The following TPO variants were observed in gnomAD, a reference collection of about 807,000 sequenced individuals.
TPO encodes the protein thyroid microsomal antigen.
A neutral mutation model predicts 96.9 loss-of-function variants in TPO; 78 were observed. That is an observed-to-expected ratio of 0.81 (90% CI 0.67 to 0.97). TPO has a LOEUF of 0.97. Ranked by LOEUF, TPO falls within the 50% of genes least tolerant of loss-of-function variation. The pLI is 0.00. For missense variants in TPO, 1,252 were observed against 1,274.8 expected (o/e 0.98, Z 0.27); for synonymous variants, 547 against 538.0 (o/e 1.02, Z -0.23).
At chr2:1,432,449 C>G (rs187273565) in intron 3 of TPO, among the ~76,000 whole-genome samples, 1 of 152,094 alleles carries the variant, frequency 6.6e-6, no homozygotes, top group African/African-American at 2.4e-5. Flanking sequence ...AGGCCAGGTG[C>G]TTGTGTGGGA....
At chr2:1,540,428 AT>A (rs1203178239) in intron 15 of TPO, among the ~76,000 whole-genome samples, 165 bp from the exon 16 acceptor site, 1 of 151,124 alleles carries the variant, frequency 6.6e-6, no homozygotes, top group Admixed American at 6.6e-5. Flanking sequence ...TTTCCAAAAT[AT>A]ATCAGATTAT....
chr2:1,449,994 C>T (rs1667172658), intron 5 of TPO, among the ~76,000 whole-genome samples: 1 of 152,136 alleles, frequency 6.6e-6, no homozygotes. Flanking sequence ...GGCCACCTGA[C>T]AGGGTGTCAG....
chr2:1,434,859 G>A (rs1054055096), intron 4 of TPO, among the ~76,000 whole-genome samples: 2 of 152,172 alleles, frequency 1.3e-5, no homozygotes, highest in African/African-American at 2.4e-5. Flanking sequence ...TTCCATTAAA[G>A]GTCAGTGCCT....
At chr2:1,526,162 C>A (rs1463185972) in intron 15 of TPO, among the ~76,000 whole-genome samples, 1 of 111,666 alleles carries the variant, frequency 9.0e-6, no homozygotes, top group Admixed American at 1.0e-4. Flanking sequence ...ACCTCCAAAT[C>A]CCCCCACTGT....
intron 3 of TPO, among the ~76,000 whole-genome samples, chr2:1,431,844 C>T (rs1234646686): frequency 6.6e-6 from 1 of 152,252 alleles, no homozygotes; most frequent in Non-Finnish European, 1.5e-5. Context: ...GGTCACTTTT[C>T]CCAAAGCCAC....
intron 15 of TPO, among the ~76,000 whole-genome samples, chr2:1,520,024 G>C (rs1447535652): frequency 6.6e-6 from 1 of 152,178 alleles, no homozygotes; most frequent in Non-Finnish European, 1.5e-5. Flanking sequence ...TTAGCTGAAA[G>C]ATATGAAAAA....
intron 1 of TPO, among the ~76,000 whole-genome samples, chr2:1,383,754 T>C (rs1170768513): frequency 6.6e-6 from 1 of 152,238 alleles, no homozygotes; most frequent in Non-Finnish European, 1.5e-5. Context: ...ATTTTGGCTT[T>C]TGTTGCCATT....
chr2:1,535,438 TC>T (rs1207946194), intron 15 of TPO, among the ~76,000 whole-genome samples: 586 of 27,240 alleles, frequency 0.022, 32 homozygotes, highest in African/African-American at 0.045. Flanking sequence ...CCTCCCCAAA[TC>T]CCCCCCACTC....
intron 11 of TPO, among the ~76,000 whole-genome samples, chr2:1,494,500 C>T (rs1672134426): frequency 6.6e-6 from 1 of 152,194 alleles, no homozygotes; most frequent in South Asian, 2.1e-4. Context: ...CTACAGATAG[C>T]AGATGGTTGC....
chr2:1,460,306 A>G (rs546096683), intron 7 of TPO, among the ~76,000 whole-genome samples: 23 of 152,260 alleles, frequency 1.5e-4, no homozygotes, highest in African/African-American at 4.3e-4. Context: ...TAGATCTTGC[A>G]GAAGTACCTG....
chr2:1,438,690 G>A (rs1464350748), intron 5 of TPO: 2 of 618,040 alleles, frequency 3.2e-6, no homozygotes, highest in African/African-American at 1.9e-5. Flanking sequence ...GAATTACAGT[G>A]CTTGGGGAAT....
intron 15 of TPO, among the ~76,000 whole-genome samples, chr2:1,531,135 AC>A (rs1678084983): frequency 1.2e-4 from 1 of 8,116 alleles, no homozygotes; most frequent in Non-Finnish European, 2.3e-4. Flanking sequence ...CCTCCCCAAA[AC>A]CCCCCACTGT....
intron 15 of TPO, among the ~76,000 whole-genome samples, chr2:1,537,732 A>AT (rs1680151180): frequency 1.7e-5 from 1 of 59,824 alleles, no homozygotes; most frequent in Admixed American, 2.3e-4. Context: ...CAAATCCCCC[A>AT]ACTGTCTGCA....
At chr2:1,463,803 C>T (rs1668656073) in intron 7 of TPO, among the ~76,000 whole-genome samples, 1 of 152,224 alleles carries the variant, frequency 6.6e-6, no homozygotes, top group Non-Finnish European at 1.5e-5. Context: ...TATCGACAAC[C>T]TCAAAGCTAT....
At chr2:1,424,713 A>G (rs1381826134) in intron 3 of TPO, among the ~76,000 whole-genome samples, 1 of 152,212 alleles carries the variant, frequency 6.6e-6, no homozygotes, top group East Asian at 1.9e-4. Context: ...CTTAAGAAAT[A>G]CTGTTTCTAC....
intron 5 of TPO, among the ~76,000 whole-genome samples, chr2:1,439,986 C>G (rs1370241782): frequency 2.0e-5 from 3 of 152,216 alleles, no homozygotes; most frequent in Admixed American, 6.5e-5. Flanking sequence ...AGTTCCCCCC[C>G]AGCGGTCTCC....
chr2:1,451,827 T>A (rs28909399), intron 5 of TPO, among the ~76,000 whole-genome samples: 1 of 152,234 alleles, frequency 6.6e-6, no homozygotes, highest in East Asian at 1.9e-4. Flanking sequence ...AATTGACTTT[T>A]ATATTCTAAT....
intron 1 of TPO, among the ~76,000 whole-genome samples, chr2:1,396,744 T>A (rs938999573): frequency 1.3e-5 from 2 of 152,088 alleles, no homozygotes; most frequent in Non-Finnish European, 2.9e-5. Flanking sequence ...CTGTTAACAA[T>A]CACGTCCAGC....
At chr2:1,464,372 C>A (rs1668713186) in intron 7 of TPO, among the ~76,000 whole-genome samples, 1 of 152,146 alleles carries the variant, frequency 6.6e-6, no homozygotes. Flanking sequence ...TGTGCCAATG[C>A]ATTTTTCGTA....
Sources: gnomAD v4.1 joint callset for allele counts (sites outside exome capture counted in the v4.1 genomes callset) on GRCh38, gnomAD v4.1.1 for gene constraint, MANE v1.5 for transcripts, NCBI Gene and HGNC (gene_info 2026-07-23, HGNC 2026-07-21) for gene names.